DNAH11: variants seen among roughly 807,000 people sequenced by gnomAD.
DNAH11 encodes the protein axonemal beta dynein heavy chain 11.
In DNAH11, 442 loss-of-function variants were observed where a neutral mutation model predicts 526.0. The observed-to-expected ratio is 0.84, with a 90% CI of 0.78 to 0.91. The LOEUF (loss-of-function observed/expected upper bound fraction) is 0.91. Among genes scored for constraint, DNAH11 ranks in the 40% least tolerant of loss-of-function variants. DNAH11 has a pLI of 0.00. For synonymous variants in DNAH11, 2,461 were observed against 1,935.9 expected, an observed-to-expected ratio of 1.27 and a Z score of -7.12; for missense variants, 6,989 against 5,448.7, an observed-to-expected ratio of 1.28 and a Z score of -8.90.
chr7:21,810,841 G>A (rs993040088), intron 63 of DNAH11, among the ~76,000 whole-genome samples: 1 of 152,032 alleles, frequency 6.6e-6, no homozygotes, highest in African/African-American at 2.4e-5. Flanking sequence ...AGAGATGGGA[G>A]GTTAGCCAGA....
In DNAH11 at chr7:21,883,934, T is replaced by C. The variant is rs558868258; in HGVS notation, c.12388-357T>C. On this transcript the variant is annotated intron_variant, in intron 75 of 81. Transcript: ENST00000409508. The stretch of plus-strand genomic sequence containing the variant: ...GTCCTGTGCCTGTAGTCCTAGTTAC[T>C]TGGGAGGCTGAGGCGAGAGGATTGC... Among the ~76,000 whole-genome samples, 375 of 152,252 alleles carry C rather than the reference T, an allele frequency of 2.5e-3. 1 individual carries two copies. The highest frequency in any genetic ancestry group is 4.8e-3 in the South Asian group (23 of 4,818).
intron 61 of DNAH11, among the ~76,000 whole-genome samples, chr7:21,798,412 A>C (rs1788813428): frequency 6.6e-6 from 1 of 152,178 alleles, no homozygotes; most frequent in Non-Finnish European, 1.5e-5. Context: ...AGACATTTTT[A>C]AACTCGAAGA....
At chr7:21,739,161 CACTT>C (rs960860853) in intron 47 of DNAH11, among the ~76,000 whole-genome samples, 5 of 152,124 alleles carry the variant, frequency 3.3e-5, no homozygotes, top group African/African-American at 1.2e-4. Flanking sequence ...AATTAACTCA[CACTT>C]AATTATTTAA....
chr7:21,734,476 C>G (rs1785519543), intron 45 of DNAH11, among the ~76,000 whole-genome samples: 2 of 152,192 alleles, frequency 1.3e-5, no homozygotes, highest in African/African-American at 2.4e-5. Context: ...AACAGTCTGT[C>G]TTTTAGTAAG....
At position 21,784,472 on chromosome 7, in the gene DNAH11, G is replaced by C. The variant is rs1788086926; in HGVS notation, c.9529G>C (p.Glu3177Gln). 6.2e-7 allele frequency: 1 copy of C among 1,613,498 alleles called. No homozygotes were observed. Among genetic ancestry groups the C allele is most frequent in the African/African-American group, 1.3e-5 (1 of 74,912 alleles). The change falls in exon 58 of 82, where the codon GAA (glutamate) becomes CAA (glutamine). Residue 3177 changes from glutamate to glutamine, a missense_variant. Glu to Gln is a conservative substitution (Grantham distance 29). Transcript: ENST00000409508. ...TEVFQKQREC[E>Q]ADLLKAEPAL... ...AGTGTTCCAGAAACAGAGAGAATGT[G>C]AAGCTGACTTACTCAAGGCTGAGCC...
intron 45 of DNAH11, among the ~76,000 whole-genome samples, chr7:21,730,822 A>G (rs957507159): frequency 6.6e-6 from 1 of 152,176 alleles, no homozygotes; most frequent in Non-Finnish European, 1.5e-5. Context: ...ATTAAGAGAA[A>G]AAATTGTAAG....
At chr7:21,647,919 A>T (rs908250794) in intron 28 of DNAH11, among the ~76,000 whole-genome samples, 4 of 152,208 alleles carry the variant, frequency 2.6e-5, no homozygotes, top group Non-Finnish European at 4.4e-5. Context: ...AAGTTCTTCA[A>T]GCAAAAGGAA....
rs1289426978 is a variant in DNAH11 at position 21,901,595 on chromosome 7, TACATCATATGTGAACATGC to T, written c.*343_*361del. 5.8e-6 allele frequency: 1 copy of T among 172,858 alleles called. No individual in the cohort carries two copies. The highest frequency in any genetic ancestry group is 2.4e-5 in the African/African-American group (1 of 42,054). The allele number at this position is 172,858 out of a possible 1,614,324, so 10.7% of individuals were successfully genotyped here. ...AAAAAAAAAAAGTACATCATAAAAG[TACATCATATGTGAACATGC>T]AAAAGCAATGCAGCCGGAAAGAACG... On this transcript the variant is annotated 3_prime_UTR_variant, in exon 82 of 82. Coordinates refer to ENST00000409508, the MANE Select transcript of DNAH11 (RefSeq NM_001277115.2).
chr7:21,865,471 A>G (rs944917653), intron 70 of DNAH11, among the ~76,000 whole-genome samples: 3 of 152,204 alleles, frequency 2.0e-5, no homozygotes, highest in Admixed American at 6.5e-5. Context: ...TTTTCATAGT[A>G]TGGGCAAGAA....
At chr7:21,698,616 C>T (rs372216405) in intron 36 of DNAH11, among the ~76,000 whole-genome samples, 20 of 152,292 alleles carry the variant, frequency 1.3e-4, no homozygotes, top group African/African-American at 3.6e-4. Context: ...TGGTCTCCAC[C>T]TCCATCCAGG....
intron 2 of DNAH11, among the ~76,000 whole-genome samples, chr7:21,550,122 T>G (rs947180645): frequency 1.2e-5 from 1 of 80,848 alleles, no homozygotes; most frequent in Non-Finnish European, 2.1e-5. Context: ...GCACTTTACA[T>G]TCGTCTTTTT....
chr7:21,796,584 A>T (rs1283878388), intron 61 of DNAH11, among the ~76,000 whole-genome samples: 3 of 152,210 alleles, frequency 2.0e-5, no homozygotes, highest in African/African-American at 7.2e-5. Flanking sequence ...GAGCCAGAAG[A>T]GATTGTTATC....
chr7:21,568,022 TAA>T (rs2128435233), intron 6 of DNAH11, among the ~76,000 whole-genome samples: 1 of 152,216 alleles, frequency 6.6e-6, no homozygotes, highest in South Asian at 2.1e-4. Context: ...GAGGAAGAGT[TAA>T]AGTCTGAGTA....
In DNAH11 at chr7:21,582,029, C is replaced by T. The variant is rs554141853; in HGVS notation, c.1710+8C>T. On this transcript the variant is annotated splice_region_variant and intron_variant, in intron 9 of 81. Transcript: ENST00000409508. The stretch of plus-strand genomic sequence containing the variant: ...TTAGAAGCTGCATTTAAGGTTAGTT[C>T]TGAAGAAGCTATCATAAAAAACGTT... 2.6e-6 allele frequency: 4 copies of T among 1,563,678 alleles called. No homozygotes were observed. The highest frequency in any genetic ancestry group is 1.1e-5 in the South Asian group (1 of 89,272).
At chr7:21,821,311 C>G (rs1046080279) in intron 65 of DNAH11, among the ~76,000 whole-genome samples, 7 of 152,104 alleles carry the variant, frequency 4.6e-5, no homozygotes, top group African/African-American at 1.7e-4. Flanking sequence ...GAGTATGGAG[C>G]TTAGTAAAAG....
chr7:21,847,605 A>G (rs749000697), intron 66 of DNAH11, among the ~76,000 whole-genome samples: 2 of 152,122 alleles, frequency 1.3e-5, no homozygotes, highest in Non-Finnish European at 2.9e-5. Flanking sequence ...ATCTTGGCAA[A>G]TGTTCCATGT....
chr7:21,757,158 A>C (rs1327868780), intron 54 of DNAH11, among the ~76,000 whole-genome samples: 3 of 152,204 alleles, frequency 2.0e-5, no homozygotes, highest in Non-Finnish European at 2.9e-5. Context: ...TGCTGCGTAG[A>C]CAGATCATCT....
chr7:21,601,619 G>A lies in DNAH11; in HGVS notation c.3648+1G>A. ...TGAGCAGGTCTATATTCAGCTAGAG[G>A]TAAGTGCAGAGGTGAAATAATCATA... On this transcript the variant is annotated splice_donor_variant, in intron 18 of 81. Transcript: ENST00000409508. LOFTEE classifies it high-confidence loss of function. The A allele has an allele frequency of 6.4e-7, 1 of 1,563,496 alleles. No homozygotes were observed. The highest frequency in any genetic ancestry group is 1.7e-4 in the Middle Eastern group (1 of 5,872).
chr7:21,619,860 A>C, intron 24 of DNAH11, 96 bp from the exon 25 acceptor site: 1 of 1,241,216 alleles, frequency 8.1e-7, no homozygotes, highest in Non-Finnish European at 1.1e-6. Flanking sequence ...ATCAGTTTGC[A>C]TTTTTGAAAG....
Sources: allele counts gnomAD v4.1 joint callset (sites outside exome capture counted in the v4.1 genomes callset), GRCh38; gene constraint gnomAD v4.1.1; transcripts MANE v1.5; gene names NCBI Gene and HGNC (gene_info 2026-07-23, HGNC 2026-07-21).